ATF6: variants seen among roughly 807,000 people sequenced by gnomAD.
The protein encoded by ATF6 is cyclic AMP-dependent transcription factor ATF-6 alpha.
In ATF6, 53 loss-of-function variants were observed where a neutral mutation model predicts 83.6. The ratio of observed to expected loss-of-function variants is 0.63; its 90% CI spans 0.51 to 0.80. ATF6 has a LOEUF of 0.80. Among genes scored for constraint, ATF6 ranks in the 30% least tolerant of loss-of-function variants. The probability of loss-of-function intolerance (pLI) is 0.00; values close to 1 mark genes in which losing one functional copy is unlikely to be tolerated. For missense variants in ATF6, 744 were observed against 797.9 expected, an observed-to-expected ratio of 0.93 and a Z score of 0.81; for synonymous variants, 288 against 285.8, an observed-to-expected ratio of 1.01 and a Z score of -0.08.
At chr1:161,801,382 T>G (rs12402256) in intron 6 of ATF6, among the ~76,000 whole-genome samples, 4 of 140,464 alleles carry the variant, frequency 2.8e-5, no homozygotes, top group South Asian at 2.2e-4. Flanking sequence ...TTTTTTTTTT[T>G]GTCCTTTTTA....
At chr1:161,837,223 T>G (rs1331002400) in intron 9 of ATF6, among the ~76,000 whole-genome samples, 2 of 152,238 alleles carry the variant, frequency 1.3e-5, no homozygotes, top group Non-Finnish European at 2.9e-5. Flanking sequence ...GAAGTACATA[T>G]GTAATTATTA....
chr1:161,846,549 T>G lies in ATF6; in HGVS notation c.1288T>G (p.Ser430Ala), dbSNP rs777502811. 1 of 1,609,838 alleles carries G rather than the reference T, an allele frequency of 6.2e-7. No individual in the cohort carries two copies. Reference sequence around the variant, plus strand: ...TTCTGCTAAAGAGGCACAGGACACATCAGATGGTATTATCCAGAAAAACAG... The same window carrying G: ...TTCTGCTAAAGAGGCACAGGACACAGCAGATGGTATTATCCAGAAAAACAG... ...GFSAKEAQDT[S>A]DGIIQKNSYR... The change falls in exon 10 of 16, where the codon TCA (serine) becomes GCA (alanine). Residue 430 changes from serine (S) to alanine (A), a missense_variant. Coordinates refer to ENST00000367942, the MANE Select transcript of ATF6 (RefSeq NM_007348.4).
chr1:161,924,318 A>G (rs1410207435), intron 15 of ATF6, among the ~76,000 whole-genome samples: 1 of 152,196 alleles, frequency 6.6e-6, no homozygotes, highest in East Asian at 1.9e-4. Context: ...TACATGCCAA[A>G]GACATGGTAG....
At chr1:161,817,931 A>T (rs1445020303) in intron 7 of ATF6, among the ~76,000 whole-genome samples, 1 of 151,950 alleles carries the variant, frequency 6.6e-6, no homozygotes, top group African/African-American at 2.4e-5. Flanking sequence ...CCCTGTCTCT[A>T]CCAAAAATAC....
chr1:161,810,911 T>C (rs142917083), intron 7 of ATF6, among the ~76,000 whole-genome samples: 1,610 of 152,282 alleles, frequency 0.011, 13 homozygotes, highest in South Asian at 0.025. Context: ...TTTTCAAGCT[T>C]CAGCCATGTT....
intron 11 of ATF6, among the ~76,000 whole-genome samples, chr1:161,852,869 C>T (rs1179329424): frequency 6.7e-6 from 1 of 150,218 alleles, no homozygotes; most frequent in African/African-American, 2.4e-5. Context: ...CTTCCCACCC[C>T]AGCCTCCCAA....
chr1:161,896,462 A>AGC (rs1687679174), intron 14 of ATF6, among the ~76,000 whole-genome samples: 1 of 152,214 alleles, frequency 6.6e-6, no homozygotes, highest in South Asian at 2.1e-4. Context: ...ATGAGTCTTC[A>AGC]AGTCAGTAGC....
chr1:161,832,877 T>A (rs1473146087), intron 9 of ATF6, among the ~76,000 whole-genome samples: 1 of 152,196 alleles, frequency 6.6e-6, no homozygotes, highest in African/African-American at 2.4e-5. Context: ...CAGACTTAAA[T>A]GTCCCTGTCT....
chr1:161,846,736 A>G (rs1274673241), intron 10 of ATF6, among the ~76,000 whole-genome samples, 156 bp downstream of exon 10: 1 of 152,198 alleles, frequency 6.6e-6, no homozygotes, highest in East Asian at 1.9e-4. Context: ...TTTACTTTTA[A>G]TATTGTAAAA....
intron 4 of ATF6, among the ~76,000 whole-genome samples, chr1:161,790,922 A>G (rs538064529): frequency 9.2e-5 from 14 of 152,348 alleles, no homozygotes; most frequent in African/African-American, 3.4e-4. Flanking sequence ...AGAAAACAGA[A>G]AAGAATACAA....
chr1:161,882,882 A>G (rs1337312306), intron 14 of ATF6, among the ~76,000 whole-genome samples: 2 of 152,088 alleles, frequency 1.3e-5, no homozygotes, highest in South Asian at 2.1e-4. Flanking sequence ...TGCTTAACAC[A>G]TAATAGGTAT....
chr1:161,779,928 G>A (rs1311129219), intron 2 of ATF6, among the ~76,000 whole-genome samples: 2 of 151,928 alleles, frequency 1.3e-5, no homozygotes, highest in Non-Finnish European at 2.9e-5. Context: ...AGTAGAGACG[G>A]GGTTTCACTA....
intron 15 of ATF6, among the ~76,000 whole-genome samples, chr1:161,952,296 G>T (rs1688880871): frequency 6.6e-6 from 1 of 151,972 alleles, no homozygotes; most frequent in Non-Finnish European, 1.5e-5. Context: ...TGTCCTCCTG[G>T]AAACTCAGAC....
chr1:161,909,742 G>A (rs1344587971), intron 14 of ATF6, among the ~76,000 whole-genome samples: 2 of 152,076 alleles, frequency 1.3e-5, no homozygotes, highest in Non-Finnish European at 2.9e-5. Context: ...AGATCACGAG[G>A]TCAGGAGATC....
At chr1:161,798,781 G>T (rs1685077012) in intron 6 of ATF6, among the ~76,000 whole-genome samples, 1 of 152,030 alleles carries the variant, frequency 6.6e-6, no homozygotes, top group South Asian at 2.1e-4. Context: ...TTAAGAAGTG[G>T]GCAAAGGATA....
At chr1:161,929,740 A>G (rs1481844235) in intron 15 of ATF6, among the ~76,000 whole-genome samples, 1 of 152,226 alleles carries the variant, frequency 6.6e-6, no homozygotes, top group Non-Finnish European at 1.5e-5. Flanking sequence ...TGGCCTTAAT[A>G]TCACAAAAAG....
At chr1:161,795,742 C>T (rs1429946091) in intron 6 of ATF6, among the ~76,000 whole-genome samples, 2 of 152,192 alleles carry the variant, frequency 1.3e-5, no homozygotes, top group Non-Finnish European at 2.9e-5. Flanking sequence ...ACTGTTTCCA[C>T]ACTAGGAACA....
rs191605965 is a variant in ATF6, at chr1:161,921,405, C to T, written c.1804+9025C>T. ...ATTGTATATAGAAAAAAATGAAGAG[C>T]GAAGATGAGCTAGGATAGATACTAG... On this transcript the variant is annotated intron_variant, in intron 15 of 15. Transcript: ENST00000367942. Among the ~76,000 whole-genome samples, 1,099 of 151,718 alleles carry T rather than the reference C, an allele frequency of 7.2e-3. 21 individuals are homozygous for T. The highest frequency in any genetic ancestry group is 0.026 in the African/African-American group (1,067 of 41,324).
At chr1:161,877,208 G>A (rs1687233667) in intron 14 of ATF6, among the ~76,000 whole-genome samples, 1 of 152,004 alleles carries the variant, frequency 6.6e-6, no homozygotes, top group Non-Finnish European at 1.5e-5. Context: ...AGTATTCTGA[G>A]GATATGCAAG....
Sources: allele counts gnomAD v4.1 joint callset (sites outside exome capture counted in the v4.1 genomes callset), GRCh38; gene constraint gnomAD v4.1.1; transcripts MANE v1.5; gene names NCBI Gene and HGNC (gene_info 2026-07-23, HGNC 2026-07-21).